Variants in BAZ2B observed in about 807,000 individuals in gnomAD.
BAZ2B encodes bromodomain adjacent to zinc finger domain 2B.
A neutral mutation model predicts 246.0 loss-of-function variants in BAZ2B; 91 were observed. The ratio of observed to expected loss-of-function variants is 0.37; its 90% confidence interval spans 0.31 to 0.44. The LOEUF (loss-of-function observed/expected upper bound fraction) is 0.44, where lower values mean the gene tolerates loss of function less well. BAZ2B is among the 20% of genes least tolerant of loss of function. The pLI is 1.00. For missense variants in BAZ2B, 2,332 were observed against 2,533.7 expected (o/e 0.92, Z 1.71); for synonymous variants, 855 against 860.0 (o/e 0.99, Z 0.10).
chr2:159,569,088 G>T (rs752018439), intron 1 of BAZ2B, among the ~76,000 whole-genome samples: 9 of 151,928 alleles, frequency 5.9e-5, no homozygotes, highest in Non-Finnish European at 1.2e-4. Flanking sequence ...ATTATGCCTT[G>T]ACTTACAATT....
chr2:159,398,657 C>T (rs576392855), intron 18 of BAZ2B, among the ~76,000 whole-genome samples, 172 bp downstream of exon 18: 115 of 152,182 alleles, frequency 7.6e-4, no homozygotes, highest in Non-Finnish European at 1.1e-3. Context: ...AATAAAAATA[C>T]ACATACAATA....
chr2:159,580,673 AGGCTACAGTAACCAAAACAGCAT>A (rs1330008772), intron 1 of BAZ2B, among the ~76,000 whole-genome samples: 3 of 152,240 alleles, frequency 2.0e-5, no homozygotes, highest in Non-Finnish European at 4.4e-5. Flanking sequence ...CTATACTGCA[AGGCTACAGTAACCAAAACAGCAT>A]GGCTACAGTA....
Position 159,584,281 on chromosome 2 carries a change from C to T in BAZ2B, c.-45-28416G>A, listed in dbSNP as rs182464422. 2.8e-3 allele frequency among the ~76,000 whole-genome samples: 432 copies of T among 152,150 alleles called. 1 individual carries two copies. The highest frequency in any genetic ancestry group is 5.9e-3 in the Admixed American group (90 of 15,276). ...GGACTACAAGCATGTGCCACCACAC[C>T]GGGCTAATTTTTGTATTTTTAGCAG... On this transcript the variant is annotated intron_variant, in intron 1 of 36. Transcript: ENST00000392783.
Position 159,596,766 on chromosome 2 carries a change from A to T in BAZ2B, c.-46+19476T>A, listed in dbSNP as rs188473259. 4.6e-3 allele frequency among the ~76,000 whole-genome samples: 693 copies of T among 152,286 alleles called. 4 individuals carry two copies. The highest frequency in any genetic ancestry group is 0.015 in the African/African-American group (640 of 41,560). ...TCGTATCATAACTTAGCTCCCACTT[A>T]TGAGTGAGAACATACGATGTTTGGT... is the stretch of plus-strand genomic sequence containing the variant. On this transcript the variant is annotated intron_variant, in intron 1 of 36. Transcript: ENST00000392783.
At chr2:159,609,400 G>A (rs982668106) in intron 1 of BAZ2B, among the ~76,000 whole-genome samples, 2 of 152,090 alleles carry the variant, frequency 1.3e-5, no homozygotes, top group African/African-American at 4.8e-5. Flanking sequence ...CCACTCATAA[G>A]CTAAAAGTAT....
rs149829511 is a variant in BAZ2B, at chr2:159,455,119, TTTATA to T, written c.146-1323_146-1319del. On this transcript the variant is annotated intron_variant, in intron 3 of 36. Coordinates refer to ENST00000392783, the MANE Select transcript of BAZ2B (RefSeq NM_013450.4). ...AATAAAGCTTCCTTATTATCTCTTGTTTATATTATATCAGTCCTGACTGTGCACTG... is the reference window on the plus strand; with the variant it reads ...AATAAAGCTTCCTTATTATCTCTTGTTTATATCAGTCCTGACTGTGCACTG... Among the ~76,000 whole-genome samples the T allele has an allele frequency of 1.4e-3, 217 of 152,268 alleles. 2 individuals are homozygous for T. The East Asian group carries it at 0.038, about 27-fold the overall frequency.
At chr2:159,472,914 A>G (rs192629686) in intron 3 of BAZ2B, among the ~76,000 whole-genome samples, 43 of 152,252 alleles carry the variant, frequency 2.8e-4, no homozygotes, top group African/African-American at 9.9e-4. Flanking sequence ...TTTTTGCATC[A>G]ATGTTCATTA....
At chr2:159,485,586 C>G (rs886065924) in intron 2 of BAZ2B, among the ~76,000 whole-genome samples, 4 of 152,038 alleles carry the variant, frequency 2.6e-5, no homozygotes, top group African/African-American at 9.7e-5. Context: ...TGATATTCAG[C>G]AAGTTTCAGA....
At chr2:159,582,689 A>G (rs1687122695) in intron 1 of BAZ2B, among the ~76,000 whole-genome samples, 1 of 152,138 alleles carries the variant, frequency 6.6e-6, no homozygotes, top group African/African-American at 2.4e-5. Flanking sequence ...CTGGATGTTC[A>G]TATTATTTAA....
chr2:159,587,223 C>T lies in BAZ2B; in HGVS notation c.-46+29019G>A, dbSNP rs1364169471. On this transcript the variant is annotated intron_variant, in intron 1 of 36. Coordinates refer to ENST00000392783, the MANE Select transcript of BAZ2B (RefSeq NM_013450.4). The stretch of plus-strand genomic sequence containing the variant: ...CCTCCTGAGTAGCTGGGACTACAGG[C>T]GCCTGCCACCACGCCTGGCTAATTT... 1.2e-4 allele frequency among the ~76,000 whole-genome samples: 18 copies of T among 152,120 alleles called. No homozygotes were observed. The East Asian group carries it at 2.5e-3, about 21-fold the overall frequency.
At chr2:159,564,257 G>C (rs911979552) in intron 1 of BAZ2B, among the ~76,000 whole-genome samples, 2 of 149,042 alleles carry the variant, frequency 1.3e-5, no homozygotes, top group East Asian at 1.9e-4. Flanking sequence ...AGAATGCCCA[G>C]GGCTAGTGCA....
chr2:159,363,197 C>A (rs992957779), intron 27 of BAZ2B, among the ~76,000 whole-genome samples: 2 of 152,156 alleles, frequency 1.3e-5, no homozygotes, highest in Admixed American at 1.3e-4. Flanking sequence ...GATGTTGTAA[C>A]CCTGCTTCTA....
At chr2:159,529,115 G>A (rs904155340) in intron 2 of BAZ2B, among the ~76,000 whole-genome samples, 8 of 151,540 alleles carry the variant, frequency 5.3e-5, no homozygotes, top group African/African-American at 1.9e-4. Flanking sequence ...AGTATAATAA[G>A]TAAAAAAATA....
chr2:159,524,208 C>T (rs2151280684), intron 2 of BAZ2B, among the ~76,000 whole-genome samples: 1 of 152,052 alleles, frequency 6.6e-6, no homozygotes, highest in East Asian at 1.9e-4. Context: ...TACATTGACG[C>T]CAGGAGTTTG....
At chr2:159,343,744 C>T (rs1321057952) in intron 31 of BAZ2B, among the ~76,000 whole-genome samples, 1 of 151,910 alleles carries the variant, frequency 6.6e-6, no homozygotes, top group East Asian at 1.9e-4. Flanking sequence ...AGAAAAAAAA[C>T]GGCCGGGCGC....
chr2:159,642,651 A>G, the BAZ2B span, among the ~76,000 whole-genome samples: 3 of 152,252 alleles, frequency 2.0e-5, no homozygotes, highest in Non-Finnish European at 4.4e-5. Context: ...AGAAAAATGA[A>G]AAAAGATTAC....
At chr2:159,422,891 G>C (rs59345076) in intron 13 of BAZ2B, among the ~76,000 whole-genome samples, 2 of 152,014 alleles carry the variant, frequency 1.3e-5, no homozygotes, top group African/African-American at 4.8e-5. Flanking sequence ...AAATGGACAT[G>C]AACAAACACT....
chr2:159,316,150 A>G (rs969403763), downstream of BAZ2B, among the ~76,000 whole-genome samples: 7 of 152,332 alleles, frequency 4.6e-5, no homozygotes, highest in Middle Eastern at 6.8e-3. Flanking sequence ...GAAAGTGGAG[A>G]TGAACTGAAG....
chr2:159,544,425 A>G (rs370205028), intron 2 of BAZ2B, among the ~76,000 whole-genome samples: 18 of 152,346 alleles, frequency 1.2e-4, no homozygotes, highest in African/African-American at 4.3e-4. Context: ...GAAGCTGAAG[A>G]TAACTAATAT....
Sources: gnomAD v4.1 joint callset for allele counts (sites outside exome capture counted in the v4.1 genomes callset) on GRCh38, gnomAD v4.1.1 for gene constraint, MANE v1.5 for transcripts, NCBI Gene and HGNC (gene_info 2026-07-23, HGNC 2026-07-21) for gene names.